CDH4: variants seen among roughly 807,000 people sequenced by gnomAD.
CDH4 encodes the protein cadherin 4, also known as cadherin-4.
CDH4 carries 33 observed loss-of-function variants against 86.0 expected under a neutral mutation model. The ratio of observed to expected loss-of-function variants is 0.38; its 90% CI spans 0.29 to 0.51. The LOEUF is 0.51. CDH4 is among the 20% of genes least tolerant of loss of function. The pLI is 0.86. For synonymous variants in CDH4, 555 were observed against 549.4 expected, an observed-to-expected ratio of 1.01 and a Z score of -0.14; for missense variants, 1,114 against 1,307.4, an observed-to-expected ratio of 0.85 and a Z score of 2.28.
chr20:61,773,354 G>T (rs1207055236), intron 4 of CDH4, among the ~76,000 whole-genome samples, 172 bp downstream of exon 4: 1 of 152,254 alleles, frequency 6.6e-6, no homozygotes. Context: ...ATTCAGGCGG[G>T]GAAGCTGCGT....
rs532673620 is a variant in CDH4, at chr20:61,623,102, G to A, written c.170-120461G>A. Among the ~76,000 whole-genome samples, 6 of 152,184 alleles carry A rather than the reference G, an allele frequency of 3.9e-5. No individual in the cohort carries two copies. Among genetic ancestry groups the A allele is most frequent in the African/African-American group, 1.4e-4 (6 of 41,438 alleles). ...TTCATTTAAAATAATGACATAAGAC[G>A]TGTGGGTTGGAGATGGATGCAGAGA... On this transcript the variant is annotated intron_variant, in intron 2 of 15. Coordinates refer to ENST00000614565, the MANE Select transcript of CDH4 (RefSeq NM_001794.5). The surrounding 1 kb of genome is among the most constrained non-coding windows in gnomAD (Gnocchi z 4.4).
At chr20:61,511,752 CAG>C (rs1203131921) in intron 2 of CDH4, among the ~76,000 whole-genome samples, 1 of 152,198 alleles carries the variant, frequency 6.6e-6, no homozygotes, top group Non-Finnish European at 1.5e-5. Context: ...TAATCAGAAA[CAG>C]AGCTAATCAC....
intron 2 of CDH4, among the ~76,000 whole-genome samples, chr20:61,258,187 G>A (rs559638146): frequency 6.6e-6 from 1 of 152,088 alleles, no homozygotes; most frequent in African/African-American, 2.4e-5. Flanking sequence ...AAAATTAGCC[G>A]GGCGCGGTGG....
intron 2 of CDH4, among the ~76,000 whole-genome samples, chr20:61,702,983 G>A (rs183247788): frequency 6.6e-6 from 1 of 152,198 alleles, no homozygotes; most frequent in Non-Finnish European, 1.5e-5. Flanking sequence ...GGCCCTGAGG[G>A]TGTGAAGACT....
rs901723502 is a variant in CDH4 at position 61,393,129 on chromosome 20, A to G, written c.169+138192A>G. 6.6e-6 allele frequency among the ~76,000 whole-genome samples: 1 copy of G among 151,962 alleles called. No individual in the cohort carries two copies. Among genetic ancestry groups the G allele is most frequent in the Admixed American group, 6.6e-5 (1 of 15,262 alleles). ...TCTCTGTAGAAATATCCTCTTTATT[A>G]TCTCATCTGACCTGAGGGCCTTCAT... On this transcript the variant is annotated intron_variant, in intron 2 of 15. Coordinates refer to ENST00000614565, the MANE Select transcript of CDH4 (RefSeq NM_001794.5). The surrounding 1 kb of genome is among the most constrained non-coding windows in gnomAD (Gnocchi z 4.3).
intron 2 of CDH4, among the ~76,000 whole-genome samples, chr20:61,519,292 T>C (rs1472665240): frequency 6.6e-6 from 1 of 152,222 alleles, no homozygotes; most frequent in East Asian, 1.9e-4. Context: ...TCTCAGAAAA[T>C]TTGATGTCTC....
At chr20:61,293,451 G>A (rs753562532) in intron 2 of CDH4, among the ~76,000 whole-genome samples, 10 of 152,222 alleles carry the variant, frequency 6.6e-5, no homozygotes, top group South Asian at 2.1e-4. Context: ...CCCGGCAGGC[G>A]TGCGGGGACT....
intron 4 of CDH4, among the ~76,000 whole-genome samples, chr20:61,842,977 G>T (rs1376089949): frequency 6.6e-6 from 1 of 152,172 alleles, no homozygotes; most frequent in Non-Finnish European, 1.5e-5. Flanking sequence ...AATAACTTTG[G>T]TTCCTGTTGA....
At chr20:61,434,169 C>T (rs1216023605) in intron 2 of CDH4, among the ~76,000 whole-genome samples, 1 of 152,172 alleles carries the variant, frequency 6.6e-6, no homozygotes, top group Non-Finnish European at 1.5e-5. Context: ...GTGGAACTAA[C>T]CCACGAGTGG....
rs886080629 is a variant in CDH4, at chr20:61,807,028, A to G, written c.576+33846A>G. On this transcript the variant is annotated intron_variant, in intron 4 of 15. Coordinates refer to ENST00000614565, the MANE Select transcript of CDH4 (RefSeq NM_001794.5). The surrounding 1 kb of genome is among the most constrained non-coding windows in gnomAD (Gnocchi z 4.5). Reference sequence around the variant, plus strand: ...TTTTTAACTACTACAAAGCCCTCTAATAATGGGTTGCTAAGAAACTGACAC... The same window carrying G: ...TTTTTAACTACTACAAAGCCCTCTAGTAATGGGTTGCTAAGAAACTGACAC... Among the ~76,000 whole-genome samples, 2 of 152,218 alleles carry G rather than the reference A, an allele frequency of 1.3e-5. No homozygotes were observed. The highest frequency in any genetic ancestry group is 4.8e-5 in the African/African-American group (2 of 41,458).
intron 2 of CDH4, among the ~76,000 whole-genome samples, chr20:61,612,759 T>C (rs1416570532): frequency 6.6e-6 from 1 of 152,162 alleles, no homozygotes; most frequent in African/African-American, 2.4e-5. Context: ...CCTCCTAGTT[T>C]CTGCTAATGT....
At chr20:61,757,170 C>A (rs925214721) in intron 3 of CDH4, among the ~76,000 whole-genome samples, 2 of 152,154 alleles carry the variant, frequency 1.3e-5, no homozygotes, top group African/African-American at 4.8e-5. Context: ...GATTCCATGG[C>A]CCCTGGGTTC....
intron 3 of CDH4, among the ~76,000 whole-genome samples, chr20:61,751,580 GA>G (rs1296329396): frequency 6.6e-6 from 1 of 151,886 alleles, no homozygotes; most frequent in Non-Finnish European, 1.5e-5. Flanking sequence ...TTTATTATAA[GA>G]GCAGTGCTGT....
chr20:61,454,403 G>T (rs977176330), intron 2 of CDH4, among the ~76,000 whole-genome samples: 3 of 152,126 alleles, frequency 2.0e-5, no homozygotes, highest in Non-Finnish European at 4.4e-5. Flanking sequence ...TGAAGAGCCC[G>T]CAAGACAGAG....
chr20:61,273,862 G>C (rs1373310251), intron 2 of CDH4, among the ~76,000 whole-genome samples: 5 of 150,314 alleles, frequency 3.3e-5, no homozygotes, highest in Non-Finnish European at 5.9e-5. Context: ...TGTGCAGTTT[G>C]GAGGAGTATT....
intron 2 of CDH4, among the ~76,000 whole-genome samples, chr20:61,732,938 G>T (rs1367202110): frequency 6.6e-6 from 1 of 152,194 alleles, no homozygotes; most frequent in East Asian, 1.9e-4. Flanking sequence ...TGCCACATGT[G>T]CTGGGAGCCC....
rs1276955649 is a variant in CDH4, at chr20:61,681,676, C to T, written c.170-61887C>T. ...GCACAGAGCTGAGGGTGCTGCAGAG[C>T]CCCTAAAGAGCTTTCTGGGCATCGG... On this transcript the variant is annotated intron_variant, in intron 2 of 15. Coordinates refer to ENST00000614565, the MANE Select transcript of CDH4 (RefSeq NM_001794.5). The surrounding 1 kb of genome is among the most constrained non-coding windows in gnomAD (Gnocchi z 4.5). Among the ~76,000 whole-genome samples, 1 of 152,174 alleles carries T rather than the reference C, an allele frequency of 6.6e-6. No individual in the cohort carries two copies. The highest frequency in any genetic ancestry group is 1.5e-5 in the Non-Finnish European group (1 of 68,028).
chr20:61,421,318 T>C (rs2085176637), intron 2 of CDH4, among the ~76,000 whole-genome samples: 1 of 152,200 alleles, frequency 6.6e-6, no homozygotes, highest in Non-Finnish European at 1.5e-5. Context: ...TTTATTCCAT[T>C]CCATAACAGG....
rs977574928 is a variant in CDH4, at chr20:61,676,075, G to C, written c.170-67488G>C. 1.3e-5 allele frequency among the ~76,000 whole-genome samples: 2 copies of C among 152,164 alleles called. No homozygotes were observed. The highest frequency in any genetic ancestry group is 4.8e-5 in the African/African-American group (2 of 41,438). On this transcript the variant is annotated intron_variant, in intron 2 of 15. Transcript: ENST00000614565. This position sits in a 1 kb window ranked among gnomAD's most constrained non-coding sequence, Gnocchi z 4.5. ...CAGATAATGTAATTGGGCAGTCGGT[G>C]GGGGGAGCCTCAGCGAGGACCGAGT...
Sources: gnomAD v4.1 joint callset for allele counts (sites outside exome capture counted in the v4.1 genomes callset) on GRCh38, gnomAD v4.1.1 for gene constraint, Gnocchi (gnomAD v3.1) non-coding constraint, MANE v1.5 for transcripts, NCBI Gene and HGNC (gene_info 2026-07-23, HGNC 2026-07-21) for gene names.